Variants in GFOD1 observed in about 807,000 individuals in gnomAD.
GFOD1 encodes Gfo/Idh/MocA-like oxidoreductase domain containing 1.
Under a neutral mutation model 25.4 loss-of-function variants are expected in GFOD1, and 9 were observed. The observed-to-expected ratio is 0.35, with a 90% CI of 0.21 to 0.62. GFOD1 has a LOEUF of 0.62. Ranked by LOEUF, GFOD1 falls within the 20% of genes least tolerant of loss-of-function variation. The probability of loss-of-function intolerance (pLI) is 0.72; values close to 1 mark genes in which losing one functional copy is unlikely to be tolerated. For synonymous variants in GFOD1, 253 were observed against 245.6 expected, an observed-to-expected ratio of 1.03 and a Z score of -0.28; for missense variants, 403 against 556.9, an observed-to-expected ratio of 0.72 and a Z score of 2.78.
chr6:13,375,744 T>C (rs1785242974), intron 1 of GFOD1, among the ~76,000 whole-genome samples: 1 of 152,208 alleles, frequency 6.6e-6, no homozygotes, highest in Non-Finnish European at 1.5e-5. Flanking sequence ...GACTCAAGCC[T>C]GTTGCCTGGG....
chr6:13,449,209 T>C (rs1235119764), intron 1 of GFOD1, among the ~76,000 whole-genome samples: 2 of 152,192 alleles, frequency 1.3e-5, no homozygotes, highest in East Asian at 3.9e-4. Flanking sequence ...GAGGATTGCT[T>C]GAGCCCAGGA....
chr6:13,359,945 C>CAATAAAAA lies in GFOD1; in HGVS notation c.*4797_*4798insTTTTTATT, dbSNP rs1784923382. ...TGGGTGACAGAGTAAGACTCTGTCT[C>CAATAAAAA]AAAAAAAAAAAAAAAAGGATTTCCA... On this transcript the variant is annotated 3_prime_UTR_variant, in exon 2 of 2. Coordinates refer to ENST00000379287, the MANE Select transcript of GFOD1 (RefSeq NM_018988.4). 1.1e-5 allele frequency: 1 copy of CAATAAAAA among 90,670 alleles called. No individual in the cohort carries two copies. Among genetic ancestry groups the CAATAAAAA allele is most frequent in the Non-Finnish European group, 2.6e-5 (1 of 38,350 alleles). The allele number at this position is 90,670 out of a possible 1,614,324, so 5.6% of individuals were successfully genotyped here.
chr6:13,469,855 T>C (rs1295702647), intron 1 of GFOD1: 2 of 1,180,334 alleles, frequency 1.7e-6, no homozygotes, highest in Non-Finnish European at 2.3e-6. Context: ...GAGACGTAAA[T>C]GAGTAACACT....
chr6:13,450,167 G>C (rs529231089), intron 1 of GFOD1, among the ~76,000 whole-genome samples: 4 of 152,210 alleles, frequency 2.6e-5, no homozygotes, highest in African/African-American at 9.6e-5. Context: ...CAAATGATCT[G>C]GCCTCTCAAT....
chr6:13,452,143 G>A (rs1758108758), intron 1 of GFOD1, among the ~76,000 whole-genome samples: 1 of 152,120 alleles, frequency 6.6e-6, no homozygotes, highest in Admixed American at 6.5e-5. Context: ...GCTAAGCCAC[G>A]GCTCTGTCTG....
intron 1 of GFOD1, among the ~76,000 whole-genome samples, chr6:13,416,964 A>T (rs545121393): frequency 6.6e-6 from 1 of 152,342 alleles, no homozygotes; most frequent in African/African-American, 2.4e-5. Context: ...CCTGGCTGAG[A>T]CACTGCCACT....
In GFOD1 at chr6:13,364,880, C is replaced by T. The variant is rs142305376; in HGVS notation, c.1036G>A (p.Val346Met). The T allele has an allele frequency of 6.2e-7, 1 of 1,613,864 alleles. No individual in the cohort carries two copies. Among genetic ancestry groups the T allele is most frequent in the South Asian group, 1.1e-5 (1 of 91,094 alleles). The change falls in exon 2 of 2, where the codon GTG (valine) becomes ATG (methionine). Residue 346 changes from valine (V) to methionine (M), a missense_variant. Physicochemically the swap from Val to Met is conservative, Grantham distance 21 (BLOSUM62 1). Transcript: ENST00000379287. This position sits in a 1 kb window ranked among gnomAD's most constrained non-coding sequence, Gnocchi z 4.1. ...TFDDCLYALC[V>M]VDTIKRSSQT... Reference sequence around the variant, plus strand: ...CTGGACCTCTTGATGGTGTCCACCACGCACAAGGCATACAGGCAGTCGTCG... The same window carrying T: ...CTGGACCTCTTGATGGTGTCCACCATGCACAAGGCATACAGGCAGTCGTCG...
intron 1 of GFOD1, among the ~76,000 whole-genome samples, chr6:13,422,847 T>C (rs375031608): frequency 6.6e-6 from 1 of 152,234 alleles, no homozygotes; most frequent in East Asian, 1.9e-4. Context: ...GGGAATGTCT[T>C]GGCCTGGTTT....
intron 1 of GFOD1, among the ~76,000 whole-genome samples, chr6:13,429,217 C>CTGGCCAT (rs1562216492): frequency 6.6e-6 from 1 of 152,180 alleles, no homozygotes; most frequent in Non-Finnish European, 1.5e-5. Context: ...GGCCATAGCA[C>CTGGCCAT]AGCTGCCAGT....
At chr6:13,447,960 C>A (rs1298222350) in intron 1 of GFOD1, among the ~76,000 whole-genome samples, 2 of 151,422 alleles carry the variant, frequency 1.3e-5, no homozygotes, top group Non-Finnish European at 2.9e-5. Context: ...GCATTACTGG[C>A]CACAGTGGAG....
At chr6:13,373,773 C>CACA (rs1562195953) in intron 1 of GFOD1, among the ~76,000 whole-genome samples, 1 of 122,398 alleles carries the variant, frequency 8.2e-6, no homozygotes, top group Non-Finnish European at 1.6e-5. Context: ...CACACACACA[C>CACA]TACGCTTTTT....
intron 1 of GFOD1, among the ~76,000 whole-genome samples, chr6:13,397,086 A>T (rs753953159): frequency 9.2e-5 from 14 of 152,140 alleles, no homozygotes; most frequent in Non-Finnish European, 1.9e-4. Flanking sequence ...GTGCTCAGAG[A>T]AGGGACAAGA....
intron 1 of GFOD1, among the ~76,000 whole-genome samples, chr6:13,374,038 G>A (rs1217228150): frequency 1.3e-5 from 2 of 152,086 alleles, no homozygotes; most frequent in African/African-American, 2.4e-5. Context: ...TTTATTGAGT[G>A]CTTACTTTGT....
chr6:13,403,029 G>A lies in GFOD1; in HGVS notation c.254-37367C>T, dbSNP rs569891352. On this transcript the variant is annotated intron_variant, in intron 1 of 1. Transcript: ENST00000379287. Reference sequence around the variant, plus strand: ...GAGAAATGCATCATTAGGCGATTTTGCTGTGCAAACATTATACAGTGTACT... The same window carrying A: ...GAGAAATGCATCATTAGGCGATTTTACTGTGCAAACATTATACAGTGTACT... 1.7e-3 allele frequency among the ~76,000 whole-genome samples: 263 copies of A among 151,708 alleles called. 1 individual carries two copies. The highest frequency in any genetic ancestry group is 6.1e-3 in the African/African-American group (252 of 41,366).
At chr6:13,397,190 C>T (rs1785749926) in intron 1 of GFOD1, among the ~76,000 whole-genome samples, 3 of 152,296 alleles carry the variant, frequency 2.0e-5, no homozygotes, top group South Asian at 2.1e-4. Context: ...TGGCCCGCCT[C>T]GGCCTCCCAA....
At chr6:13,378,989 C>T (rs985895509) in intron 1 of GFOD1, among the ~76,000 whole-genome samples, 2 of 152,148 alleles carry the variant, frequency 1.3e-5, no homozygotes, top group Non-Finnish European at 2.9e-5. Context: ...ATAAACCCCT[C>T]CTGCAGCCAG....
In GFOD1 at chr6:13,365,906, A is replaced by G. The variant is rs556369894; in HGVS notation, c.254-244T>C. On this transcript the variant is annotated intron_variant, in intron 1 of 1. Coordinates refer to ENST00000379287, the MANE Select transcript of GFOD1 (RefSeq NM_018988.4). This position sits in a 1 kb window ranked among gnomAD's most constrained non-coding sequence, Gnocchi z 9.2. The stretch of plus-strand genomic sequence containing the variant: ...TAATAATAATAATAATAATAATAAT[A>G]ATAATAATAATAATAATGAGCCGGG... Among the ~76,000 whole-genome samples the G allele has an allele frequency of 6.8e-6, 1 of 146,678 alleles. No homozygotes were observed. The highest frequency in any genetic ancestry group is 2.1e-4 in the South Asian group (1 of 4,680).
intron 1 of GFOD1, among the ~76,000 whole-genome samples, chr6:13,461,660 T>C (rs1364547341): frequency 6.6e-6 from 1 of 152,162 alleles, no homozygotes; most frequent in Non-Finnish European, 1.5e-5. Flanking sequence ...CTGGTGTTTT[T>C]CCCTTAAGCT....
At chr6:13,403,284 C>G (rs191573469) in intron 1 of GFOD1, among the ~76,000 whole-genome samples, 1 of 152,190 alleles carries the variant, frequency 6.6e-6, no homozygotes, top group African/African-American at 2.4e-5. Flanking sequence ...CACCACCATG[C>G]CCGGCTAATT....
Sources: gnomAD v4.1 joint callset for allele counts (sites outside exome capture counted in the v4.1 genomes callset) on GRCh38, gnomAD v4.1.1 for gene constraint, Gnocchi (gnomAD v3.1) non-coding constraint, MANE v1.5 for transcripts, NCBI Gene and HGNC (gene_info 2026-07-23, HGNC 2026-07-21) for gene names.